Variants in DSC2 observed in about 807,000 individuals in gnomAD.
DSC2 encodes the protein desmocollin-2.
DSC2 carries 51 observed loss-of-function variants against 87.6 expected under a neutral mutation model. The observed-to-expected ratio is 0.58, with a 90% CI of 0.46 to 0.74. The LOEUF (loss-of-function observed/expected upper bound fraction) is 0.74. DSC2 is among the 30% of genes least tolerant of loss of function. The pLI, the probability that DSC2 is intolerant of heterozygous loss-of-function variation, is 0.00. For missense variants in DSC2, 1,066 were observed against 1,089.5 expected (o/e 0.98, Z 0.30); for synonymous variants, 383 against 393.2 (o/e 0.97, Z 0.31).
chr18:31,097,734 T>C (rs1987808280), intron 1 of DSC2, among the ~76,000 whole-genome samples: 1 of 151,804 alleles, frequency 6.6e-6, no homozygotes, highest in Admixed American at 6.6e-5. Flanking sequence ...GCAAAACAAT[T>C]TGTATTTGCA....
intron 1 of DSC2, among the ~76,000 whole-genome samples, chr18:31,094,491 G>A (rs114791801): frequency 5.9e-5 from 9 of 152,098 alleles, no homozygotes; most frequent in Non-Finnish European, 7.4e-5. Flanking sequence ...CAACATATAC[G>A]TAAACACACT....
intron 7 of DSC2, among the ~76,000 whole-genome samples, chr18:31,084,555 C>T (rs537676601): frequency 6.6e-6 from 1 of 152,164 alleles, no homozygotes; most frequent in African/African-American, 2.4e-5. Context: ...ACTGGATAAA[C>T]ACCTTCACTG....
In DSC2 at chr18:31,082,206, A is replaced by G. The variant is rs377198968; in HGVS notation, c.1263+32T>C. Reference sequence around the variant, plus strand: ...CTAGCATGCTATTCTATGATATTATAAACTACAAATAATGTTCTAATTTAT... The same window carrying G: ...CTAGCATGCTATTCTATGATATTATGAACTACAAATAATGTTCTAATTTAT... On this transcript the variant is annotated intron_variant, in intron 9 of 15. Transcript: ENST00000280904. The G allele has an allele frequency of 9.6e-5, 152 of 1,585,696 alleles. No homozygotes were observed. The African/African-American group carries it at 1.8e-3, about 19-fold the overall frequency.
intron 7 of DSC2, among the ~76,000 whole-genome samples, chr18:31,085,531 T>G (rs1293186163): frequency 6.6e-6 from 1 of 151,640 alleles, no homozygotes; most frequent in African/African-American, 2.4e-5. Context: ...GTAACATAGA[T>G]AAATATAACC....
intron 11 of DSC2, among the ~76,000 whole-genome samples, chr18:31,076,123 C>T (rs1335387626): frequency 1.3e-5 from 2 of 152,110 alleles, no homozygotes; most frequent in East Asian, 1.9e-4. Context: ...CCATCCACTG[C>T]CTGGGGCTGT....
At chr18:31,101,769 C>CCCTT in intron 1 of DSC2, 134 bp downstream of exon 1, 4 of 801,134 alleles carry the variant, frequency 5.0e-6, no homozygotes, top group Non-Finnish European at 7.3e-6. Flanking sequence ...CCGCCAACTC[C>CCCTT]ATTTTCTAGC....
chr18:31,099,611 G>T (rs550828500), intron 1 of DSC2, among the ~76,000 whole-genome samples: 2 of 152,038 alleles, frequency 1.3e-5, no homozygotes, highest in African/African-American at 2.4e-5. Context: ...AGGCGGGGGG[G>T]AGTGAATGTC....
In DSC2 at chr18:31,086,560, T is replaced by A. The variant is rs111347888; in HGVS notation, c.942+16A>T. On this transcript the variant is annotated intron_variant, in intron 7 of 15. Coordinates refer to ENST00000280904, the MANE Select transcript of DSC2 (RefSeq NM_024422.6). ...ATAGCCACGTTATAATCAGGTTTTA[T>A]TAATGTTTATGTTACCTCTCTGTCT... 6.2e-7 allele frequency: 1 copy of A among 1,614,070 alleles called. No individual in the cohort carries two copies.
At chr18:31,070,613 T>C (rs1037987784) in intron 14 of DSC2, 113 bp downstream of exon 14, 64 of 1,420,420 alleles carry the variant, frequency 4.5e-5, no homozygotes, top group Admixed American at 7.2e-5. Context: ...TGACATTCTA[T>C]GGTAAATTGC....
intron 4 of DSC2, among the ~76,000 whole-genome samples, chr18:31,090,672 T>C (rs962797194): frequency 1.3e-5 from 2 of 152,196 alleles, no homozygotes; most frequent in African/African-American, 4.8e-5. Flanking sequence ...GAAGGGCCTA[T>C]GTGTCTTCCT....
rs939108217 is a variant in DSC2 at position 31,061,935 on chromosome 18, T to A, written c.*6080A>T. On this transcript the variant is annotated 3_prime_UTR_variant, in exon 16 of 16. Coordinates refer to ENST00000280904, the MANE Select transcript of DSC2 (RefSeq NM_024422.6). ...GAAGAGGAAATAATAAAGGGGGTCA[T>A]ACAACTGATCCCCTCTCCCCAGAAA... The A allele has an allele frequency of 6.6e-6, 1 of 152,136 alleles. No homozygotes were observed. Among genetic ancestry groups the A allele is most frequent in the Non-Finnish European group, 1.5e-5 (1 of 68,012 alleles). 9.4% of individuals were successfully genotyped at this position (152,136 alleles called of 1,614,324 possible). A position where few individuals can be genotyped will look rare whatever the true frequency, so the allele number is the denominator to read the frequency against.
At position 31,063,650 on chromosome 18, in the gene DSC2, C is replaced by T. The variant is rs1986546358; in HGVS notation, c.*4365G>A. The T allele has an allele frequency of 6.6e-6, 1 of 152,140 alleles. No homozygotes were observed. The highest frequency in any genetic ancestry group is 6.6e-5 in the Admixed American group (1 of 15,266). The allele number at this position is 152,140 out of a possible 1,614,324, so 9.4% of individuals were successfully genotyped here. On this transcript the variant is annotated 3_prime_UTR_variant, in exon 16 of 16. Transcript: ENST00000280904. Reference sequence around the variant, plus strand: ...GGAAATTAGTACAGAAGGTCCTCAACTTAAGATGGCTCGATCTGATATTTC... The same window carrying T: ...GGAAATTAGTACAGAAGGTCCTCAATTTAAGATGGCTCGATCTGATATTTC...
intron 1 of DSC2, 68 bp downstream of exon 1, chr18:31,101,835 C>T: frequency 6.8e-6 from 10 of 1,465,236 alleles, no homozygotes; most frequent in Non-Finnish European, 5.5e-6. Context: ...ATCCCCGTTC[C>T]CCTAGTTTTC....
intron 7 of DSC2, among the ~76,000 whole-genome samples, chr18:31,083,618 C>CA (rs1442303981): frequency 1.3e-5 from 2 of 151,966 alleles, no homozygotes. Flanking sequence ...TTTCTTCCTG[C>CA]AAAAAATATA....
intron 1 of DSC2, 79 bp from the exon 2 acceptor site, chr18:31,093,722 A>AT: frequency 3.0e-6 from 2 of 675,530 alleles, no homozygotes; most frequent in Non-Finnish European, 4.0e-6. Context: ...TATAAATTAT[A>AT]AATTTATAAT....
At chr18:31,091,416 C>T (rs1987593581) in intron 3 of DSC2, 1 of 543,394 alleles carries the variant, frequency 1.8e-6, no homozygotes, top group Non-Finnish European at 3.4e-6. Flanking sequence ...AGAAGCAAAA[C>T]TGAAAAAAAA....
At chr18:31,088,412 C>T (rs1238826772) in intron 5 of DSC2, among the ~76,000 whole-genome samples, 1 of 152,040 alleles carries the variant, frequency 6.6e-6, no homozygotes, top group African/African-American at 2.4e-5. Context: ...ATATGAATTT[C>T]AATACCAATT....
At position 31,065,851 on chromosome 18, in the gene DSC2, T is replaced by C. The variant is rs1017609437; in HGVS notation, c.*2164A>G. On this transcript the variant is annotated 3_prime_UTR_variant, in exon 16 of 16. Transcript: ENST00000280904. ...ACTACGTATTCTGAAAAACTGAACA[T>C]ACAAGACCCAGTCATCAGGTGATCA... 7 of 152,138 alleles carry C rather than the reference T, an allele frequency of 4.6e-5. No homozygotes were observed. The highest frequency in any genetic ancestry group is 1.7e-4 in the African/African-American group (7 of 41,440). The allele number at this position is 152,138 out of a possible 1,614,324, so 9.4% of individuals were successfully genotyped here.
rs1987404130 is a variant in DSC2 at position 31,086,597 on chromosome 18, T to C, written c.921A>G (p.Thr307=). 5 of 1,614,140 alleles carry C rather than the reference T, an allele frequency of 3.1e-6. No homozygotes were observed. The highest frequency in any genetic ancestry group is 4.2e-6 in the Non-Finnish European group (5 of 1,179,998). The change falls in exon 7 of 16, where the codon ACA becomes ACG. Residue 307 remains threonine, a synonymous_variant. Transcript: ENST00000280904. The part of the protein sequence containing the change: ...MHPTTGVITT[T]SSQLDRELID... Reference sequence around the variant, plus strand: ...TTACCTCTCTGTCTAGCTGAGATGATGTTGTGGTGATCACGCCTGTAGTTG... The same window carrying C: ...TTACCTCTCTGTCTAGCTGAGATGACGTTGTGGTGATCACGCCTGTAGTTG...
Sources: allele counts gnomAD v4.1 joint callset (sites outside exome capture counted in the v4.1 genomes callset), GRCh38; gene constraint gnomAD v4.1.1; transcripts MANE v1.5; gene names NCBI Gene and HGNC (gene_info 2026-07-23, HGNC 2026-07-21).